LTV1: variants seen among roughly 807,000 people sequenced by gnomAD.
The protein encoded by LTV1 is protein LTV1 homolog.
Under a neutral mutation model 59.9 loss-of-function variants are expected in LTV1, and 39 were observed. The observed-to-expected ratio is 0.65, with a 90% CI of 0.50 to 0.85. The LOEUF (loss-of-function observed/expected upper bound fraction) is 0.85, where lower values mean the gene tolerates loss of function less well. Ranked by LOEUF, LTV1 falls within the 40% of genes least tolerant of loss-of-function variation. LTV1 has a pLI of 0.00. For synonymous variants in LTV1, 171 were observed against 189.5 expected, an observed-to-expected ratio of 0.90 and a Z score of 0.80; for missense variants, 493 against 549.1, an observed-to-expected ratio of 0.90 and a Z score of 1.02.
Position 143,857,492 on chromosome 6 carries a change from G to A in LTV1, c.539+48G>A, listed in dbSNP as rs1444978817. ...CAGAGATGATGACCTAAGTGTTACT[G>A]CTTCAGTGGGATGGTAACCATAGAA... On this transcript the variant is annotated intron_variant, in intron 5 of 10. Coordinates refer to ENST00000367576, the MANE Select transcript of LTV1 (RefSeq NM_032860.5). This position sits in a 1 kb window ranked among gnomAD's most constrained non-coding sequence, Gnocchi z 5.2. The A allele has an allele frequency of 1.3e-6, 2 of 1,498,962 alleles. No homozygotes were observed. 92.9% of individuals were successfully genotyped at this position (1,498,962 alleles called of 1,614,324 possible).
chr6:143,854,707 C>T (rs9484817), intron 4 of LTV1, among the ~76,000 whole-genome samples: 10 of 151,836 alleles, frequency 6.6e-5, no homozygotes, highest in African/African-American at 2.2e-4. Context: ...TTATTTACCC[C>T]GTAGGCATTC....
chr6:143,860,059 C>T (rs544086811), intron 6 of LTV1, among the ~76,000 whole-genome samples: 11 of 152,062 alleles, frequency 7.2e-5, no homozygotes, highest in South Asian at 6.2e-4. Flanking sequence ...ACTATGATCA[C>T]GCCACTGTAC....
At position 143,846,326 on chromosome 6, in the gene LTV1, C is replaced by G. The variant is rs1776889969; in HGVS notation, c.309+102C>G. ...AGAAATGGTGTCCGTATGAAGAGCA[C>G]AAAGATAGACCACGCCTCCACTTAA... On this transcript the variant is annotated intron_variant, in intron 3 of 10. Coordinates refer to ENST00000367576, the MANE Select transcript of LTV1 (RefSeq NM_032860.5). 11 of 1,073,550 alleles carry G rather than the reference C, an allele frequency of 1.0e-5. No homozygotes were observed. The East Asian group carries it at 2.0e-4, about 20-fold the overall frequency. 66.5% of individuals were successfully genotyped at this position (1,073,550 alleles called of 1,614,324 possible).
At chr6:143,845,431 A>G (rs1776875828) in intron 2 of LTV1, among the ~76,000 whole-genome samples, 1 of 152,104 alleles carries the variant, frequency 6.6e-6, no homozygotes, top group Non-Finnish European at 1.5e-5. Flanking sequence ...TGGCATGCAA[A>G]GTGGCTCCAT....
In LTV1 at chr6:143,863,588, A is replaced by G; in HGVS notation, c.*61A>G. ...GGCTCCTCATCTTTGGTTATTGACT[A>G]GAAACTTCAGAAAGACAAAACTGTT... On this transcript the variant is annotated 3_prime_UTR_variant, in exon 11 of 11. Coordinates refer to ENST00000367576, the MANE Select transcript of LTV1 (RefSeq NM_032860.5). The surrounding 1 kb of genome is among the most constrained non-coding windows in gnomAD (Gnocchi z 4.5). The G allele has an allele frequency of 9.5e-7, 1 of 1,053,058 alleles. No homozygotes were observed. Among genetic ancestry groups the G allele is most frequent in the Non-Finnish European group, 1.4e-6 (1 of 722,184 alleles). The allele number at this position is 1,053,058 out of a possible 1,614,324, so 65.2% of individuals were successfully genotyped here. A position where few individuals can be genotyped will look rare whatever the true frequency, so the allele number is the denominator to read the frequency against.
intron 4 of LTV1, among the ~76,000 whole-genome samples, chr6:143,854,254 T>TACAC (rs1777038522): frequency 1.3e-5 from 2 of 152,234 alleles, no homozygotes; most frequent in African/African-American, 4.8e-5. Flanking sequence ...TTTATAGTAT[T>TACAC]CTCTGATGGT....
intron 3 of LTV1, among the ~76,000 whole-genome samples, chr6:143,848,495 A>G (rs538966445): frequency 1.3e-5 from 2 of 152,330 alleles, no homozygotes; most frequent in East Asian, 3.9e-4. Flanking sequence ...CATGCTCCTC[A>G]GAGGCTTCCA....
At position 143,857,259 on chromosome 6, in the gene LTV1, T is replaced by C. The variant is rs1582940863; in HGVS notation, c.398-44T>C. Reference sequence around the variant, plus strand: ...TATTGTGAGTTAAGTGAATGAATTGTTGCTATCTTGGGAATTACTGCTTAA... The same window carrying C: ...TATTGTGAGTTAAGTGAATGAATTGCTGCTATCTTGGGAATTACTGCTTAA... On this transcript the variant is annotated intron_variant, in intron 4 of 10. Coordinates refer to ENST00000367576, the MANE Select transcript of LTV1 (RefSeq NM_032860.5). This position sits in a 1 kb window ranked among gnomAD's most constrained non-coding sequence, Gnocchi z 5.2. 6.2e-7 allele frequency: 1 copy of C among 1,607,882 alleles called. No individual in the cohort carries two copies. Among genetic ancestry groups the C allele is most frequent in the East Asian group, 2.2e-5 (1 of 44,834 alleles).
chr6:143,850,356 G>C (rs955900568), intron 4 of LTV1, 138 bp downstream of exon 4: 2 of 622,494 alleles, frequency 3.2e-6, no homozygotes, highest in Non-Finnish European at 5.6e-6. Flanking sequence ...GGGATTATTA[G>C]GAAGGGATGA....
chr6:143,854,708 G>C (rs532415657), intron 4 of LTV1, among the ~76,000 whole-genome samples: 1 of 152,078 alleles, frequency 6.6e-6, no homozygotes, highest in African/African-American at 2.4e-5. Flanking sequence ...TATTTACCCC[G>C]TAGGCATTCA....
In LTV1 at chr6:143,862,809, G is replaced by A. The variant is rs1217217846; in HGVS notation, c.1064-35G>A. On this transcript the variant is annotated intron_variant, in intron 8 of 10. Transcript: ENST00000367576. This position sits in a 1 kb window ranked among gnomAD's most constrained non-coding sequence, Gnocchi z 4.2. ...TAATGCTTTGTGGAACTGAAAACAT[G>A]CTTACTGATACATGACTTTTATTTG... The A allele has an allele frequency of 7.6e-7, 1 of 1,310,930 alleles. No homozygotes were observed. Among genetic ancestry groups the A allele is most frequent in the Admixed American group, 1.7e-5 (1 of 59,504 alleles). The allele number at this position is 1,310,930 out of a possible 1,614,324, so 81.2% of individuals were successfully genotyped here. A position where few individuals can be genotyped will look rare whatever the true frequency, so the allele number is the denominator to read the frequency against.
chr6:143,848,636 G>A (rs556938119), intron 3 of LTV1, among the ~76,000 whole-genome samples: 17 of 152,296 alleles, frequency 1.1e-4, no homozygotes, highest in African/African-American at 4.1e-4. Context: ...CTCACGTTAT[G>A]AACTGTTTGG....
chr6:143,862,970 CTT>C lies in LTV1; in HGVS notation c.1116+78_1116+79del. The C allele has an allele frequency of 2.1e-6, 3 of 1,458,216 alleles. No individual in the cohort carries two copies. The South Asian group carries it at 3.4e-5, about 17-fold the overall frequency. 90.3% of individuals were successfully genotyped at this position (1,458,216 alleles called of 1,614,324 possible). A position where few individuals can be genotyped will look rare whatever the true frequency, so the allele number is the denominator to read the frequency against. ...TAGAGTGCACATTTTCGCACAATAA[CTT>C]TTTATCTTTATGGCTAGAGTGATAT... On this transcript the variant is annotated intron_variant, in intron 9 of 10. Transcript: ENST00000367576. This position sits in a 1 kb window ranked among gnomAD's most constrained non-coding sequence, Gnocchi z 4.2.
intron 3 of LTV1, 135 bp downstream of exon 3, chr6:143,846,359 T>A: frequency 2.6e-6 from 2 of 772,556 alleles, no homozygotes; most frequent in Non-Finnish European, 4.1e-6. Flanking sequence ...TAAAATTATA[T>A]ATGTGTATGC....
Position 143,862,766 on chromosome 6 carries a change from A to T in LTV1, c.1064-78A>T. On this transcript the variant is annotated intron_variant, in intron 8 of 10. Transcript: ENST00000367576. This position sits in a 1 kb window ranked among gnomAD's most constrained non-coding sequence, Gnocchi z 4.2. ...TGCACTATGAAAACACAAGGTCAGA[A>T]ATATAGTAGGAATTCAGTAATGCTT... 1.1e-6 allele frequency: 1 copy of T among 908,852 alleles called. No homozygotes were observed. The highest frequency in any genetic ancestry group is 1.3e-5 in the South Asian group (1 of 74,612). The allele number at this position is 908,852 out of a possible 1,614,324, so 56.3% of individuals were successfully genotyped here.
intron 3 of LTV1, among the ~76,000 whole-genome samples, chr6:143,848,002 G>A (rs2128491012): frequency 6.6e-6 from 1 of 152,232 alleles, no homozygotes; most frequent in East Asian, 1.9e-4. Context: ...GAAAGATGGT[G>A]GTGCTGTTGT....
In LTV1 at chr6:143,862,059, A is replaced by C. The variant is rs1777173422; in HGVS notation, c.924-45A>C. The C allele has an allele frequency of 6.3e-7, 1 of 1,585,568 alleles. No homozygotes were observed. Among genetic ancestry groups the C allele is most frequent in the Non-Finnish European group, 8.6e-7 (1 of 1,168,270 alleles). Reference sequence around the variant, plus strand: ...TAGTGACATAGTATAATAATAGGTCATTTTTCCCCCTCTTGGTCTTCACTT... The same window carrying C: ...TAGTGACATAGTATAATAATAGGTCCTTTTTCCCCCTCTTGGTCTTCACTT... On this transcript the variant is annotated intron_variant, in intron 7 of 10. Transcript: ENST00000367576. The surrounding 1 kb of genome is among the most constrained non-coding windows in gnomAD (Gnocchi z 4.2).
In LTV1 at chr6:143,844,699, C is replaced by A. The variant is rs1048094109; in HGVS notation, c.135+82C>A. 2.3e-5 allele frequency: 33 copies of A among 1,407,416 alleles called. No individual in the cohort carries two copies. The East Asian group carries it at 5.1e-4, about 22-fold the overall frequency. The allele number at this position is 1,407,416 out of a possible 1,614,324, so 87.2% of individuals were successfully genotyped here. A position where few individuals can be genotyped will look rare whatever the true frequency, so the allele number is the denominator to read the frequency against. On this transcript the variant is annotated intron_variant, in intron 2 of 10. Transcript: ENST00000367576. ...TTTTTTTTTTTTAAATAAATAGAGT[C>A]TTAGCACGTTGCCCAGGCTGGTCTC...
In LTV1 at chr6:143,857,741, C is replaced by T. The variant is rs780388649; in HGVS notation, c.540-11C>T. 1 of 1,613,538 alleles carries T rather than the reference C, an allele frequency of 6.2e-7. No homozygotes were observed. Among genetic ancestry groups the T allele is most frequent in the East Asian group, 2.2e-5 (1 of 44,862 alleles). On this transcript the variant is annotated splice_polypyrimidine_tract_variant and intron_variant, in intron 5 of 10. Coordinates refer to ENST00000367576, the MANE Select transcript of LTV1 (RefSeq NM_032860.5). This position sits in a 1 kb window ranked among gnomAD's most constrained non-coding sequence, Gnocchi z 5.2. ...GTTGTTTTGGTAGGTAATTTATGAC[C>T]TTTACTTTAGGAAATCTGAGAATGA...
Sources: gnomAD v4.1 joint callset for allele counts (sites outside exome capture counted in the v4.1 genomes callset) on GRCh38, gnomAD v4.1.1 for gene constraint, Gnocchi (gnomAD v3.1) non-coding constraint, MANE v1.5 for transcripts, NCBI Gene and HGNC (gene_info 2026-07-23, HGNC 2026-07-21) for gene names.